DST: variants seen among roughly 807,000 people sequenced by gnomAD.
The protein encoded by DST is dystonin.
In DST, 253 loss-of-function variants were observed where a neutral mutation model predicts 875.2. The observed-to-expected ratio is 0.29, with a 90% CI of 0.26 to 0.32. The LOEUF is 0.32. DST is among the 10% of genes least tolerant of loss of function. The pLI is 1.00. For synonymous variants in DST, 3,124 were observed against 3,197.1 expected, an observed-to-expected ratio of 0.98 and a Z score of 0.77; for missense variants, 8,287 against 9,111.6, an observed-to-expected ratio of 0.91 and a Z score of 3.68.
intron 36 of DST, 51 bp downstream of exon 36, chr6:56,624,479 G>T: frequency 1.6e-6 from 2 of 1,243,710 alleles, no homozygotes; most frequent in Non-Finnish European, 1.2e-6. Flanking sequence ...TGTAGTTACT[G>T]CTCATCTCTA....
chr6:56,734,063 T>A (rs1390989492), intron 5 of DST, among the ~76,000 whole-genome samples: 1 of 152,168 alleles, frequency 6.6e-6, no homozygotes, highest in African/African-American at 2.4e-5. Context: ...AAGGAAGAGA[T>A]CCTCTCCCAT....
intron 58 of DST, among the ~76,000 whole-genome samples, chr6:56,558,300 A>G (rs911620327): frequency 6.6e-6 from 1 of 152,078 alleles, no homozygotes; most frequent in Non-Finnish European, 1.5e-5. Context: ...AGTGCATGTG[A>G]TAATTTAACA....
chr6:56,553,542 G>T lies in DST; in HGVS notation c.15250C>A (p.His5084Asn). 1 of 1,613,918 alleles carries T rather than the reference G, an allele frequency of 6.2e-7. No individual in the cohort carries two copies. Among genetic ancestry groups the T allele is most frequent in the South Asian group, 1.1e-5 (1 of 91,072 alleles). The change falls in exon 61 of 104, where the codon CAT (histidine) becomes AAT (asparagine). Residue 5084 changes from histidine (H) to asparagine (N), a missense_variant. By Grantham distance (68) the His-to-Asn change is moderately conservative. Transcript: ENST00000680361. Reference protein sequence around the residue: ...DTKKEEQNKSHPISAKLDVLE... With the variant: ...DTKKEEQNKSNPISAKLDVLE... ...ACATCGAGTTTGGCAGATATTGGAT[G>T]AGATTTGTTTTGCTCTTCTTTCTTT...
chr6:56,830,619 C>T (rs972347405), intron 4 of DST, among the ~76,000 whole-genome samples: 1 of 152,224 alleles, frequency 6.6e-6, no homozygotes, highest in African/African-American at 2.4e-5. Flanking sequence ...TTAAGAGCCA[C>T]TTCAATTAAC....
chr6:56,677,067 A>G (rs2099134528), intron 9 of DST, among the ~76,000 whole-genome samples: 1 of 152,216 alleles, frequency 6.6e-6, no homozygotes, highest in African/African-American at 2.4e-5. Flanking sequence ...GAAGTAATGT[A>G]TATGTTAATT....
chr6:56,507,567 A>G (rs1445964692), intron 75 of DST, among the ~76,000 whole-genome samples: 1 of 152,232 alleles, frequency 6.6e-6, no homozygotes, highest in African/African-American at 2.4e-5. Context: ...TAATGATCCA[A>G]CTGAACCCTG....
chr6:56,635,318 A>G (rs769220646), intron 24 of DST, among the ~76,000 whole-genome samples: 4 of 152,106 alleles, frequency 2.6e-5, no homozygotes, highest in Non-Finnish European at 5.9e-5. Flanking sequence ...TAAGAACTTA[A>G]AAAGTATTTG....
At chr6:56,595,542 G>A (rs1244228898) in intron 47 of DST, among the ~76,000 whole-genome samples, 1 of 150,440 alleles carries the variant, frequency 6.6e-6, no homozygotes, top group African/African-American at 2.5e-5. Flanking sequence ...TGGCACACAG[G>A]AGCTGAGTAA....
At chr6:56,808,347 C>T (rs1284210157) in intron 4 of DST, among the ~76,000 whole-genome samples, 1 of 151,364 alleles carries the variant, frequency 6.6e-6, no homozygotes, top group Non-Finnish European at 1.5e-5. Context: ...CTATTAAATA[C>T]TCCAGCAATA....
rs146263203 is a variant in DST at position 56,618,142 on chromosome 6, G to T, written c.4930-3658C>A. On this transcript the variant is annotated intron_variant, in intron 36 of 103. Coordinates refer to ENST00000680361, the MANE Select transcript of DST (RefSeq NM_001374736.1). ...TCTCATCAAAAGTTATCTGTAACTCGGTGCTTGTCTGAGAAAAGTACTCAG... is the reference window on the plus strand; with the variant it reads ...TCTCATCAAAAGTTATCTGTAACTCTGTGCTTGTCTGAGAAAAGTACTCAG... 55 of 1,614,032 alleles carry T rather than the reference G, an allele frequency of 3.4e-5. No homozygotes were observed. Among genetic ancestry groups the T allele is most frequent in the Middle Eastern group, 3.3e-4 (2 of 6,062 alleles).
chr6:56,764,015 G>A (rs114379496), intron 4 of DST, among the ~76,000 whole-genome samples: 1,963 of 151,276 alleles, frequency 0.013, 22 homozygotes, highest in South Asian at 0.032. Context: ...ATTAAGTATA[G>A]TATTAAGTCT....
chr6:56,817,003 G>A lies in DST; in HGVS notation c.625+34394C>T, dbSNP rs375292142. 3.6e-4 allele frequency among the ~76,000 whole-genome samples: 54 copies of A among 151,802 alleles called. 1 individual carries two copies. The East Asian group carries it at 4.1e-3, about 11-fold the overall frequency. Reference sequence around the variant, plus strand: ...CAAATGCAGCCTCTGTGAAACCCTGGTCAAAGAACTCACCTACCAAGGAAT... The same window carrying A: ...CAAATGCAGCCTCTGTGAAACCCTGATCAAAGAACTCACCTACCAAGGAAT... On this transcript the variant is annotated intron_variant, in intron 4 of 103. Coordinates refer to ENST00000680361, the MANE Select transcript of DST (RefSeq NM_001374736.1).
rs1337230264 is a variant in DST, at chr6:56,639,486, T to C, written c.2823A>G (p.Arg941=). The change falls in exon 21 of 104, where the codon AGA becomes AGG. Residue 941 remains arginine (R), a synonymous_variant. Coordinates refer to ENST00000680361, the MANE Select transcript of DST (RefSeq NM_001374736.1). The part of the protein sequence containing the change: ...EEEVAYDWSE[R]NTNIARKKDY... ...CTTTTTTCCTAGCTATGTTGGTGTT[T>C]CTCTCACTCCAGTCATAAGCAACTT... 3 of 1,613,734 alleles carry C rather than the reference T, an allele frequency of 1.9e-6. No homozygotes were observed. The highest frequency in any genetic ancestry group is 1.6e-4 in the Middle Eastern group (1 of 6,076).
At chr6:56,904,022 T>C (rs1351727558) in intron 2 of DST, among the ~76,000 whole-genome samples, 1 of 152,160 alleles carries the variant, frequency 6.6e-6, no homozygotes, top group East Asian at 1.9e-4. Context: ...ACCTATAAAA[T>C]AAGGATTAAA....
Position 56,764,499 on chromosome 6 carries a change from C to G in DST, c.626-29210G>C, listed in dbSNP as rs61312094. ...GCGGTATGTTTACTCATCTAGCTCC[C>G]TAACTTTACTCATCTAGCTTTGCCT... is the stretch of plus-strand genomic sequence containing the variant. On this transcript the variant is annotated intron_variant, in intron 4 of 103. Coordinates refer to ENST00000680361, the MANE Select transcript of DST (RefSeq NM_001374736.1). Among the ~76,000 whole-genome samples the G allele has an allele frequency of 7.8e-3, 1,190 of 152,284 alleles. 15 individuals are homozygous for G. The highest frequency in any genetic ancestry group is 0.027 in the African/African-American group (1,128 of 41,536).
chr6:56,816,148 C>G (rs1484792680), intron 4 of DST, among the ~76,000 whole-genome samples: 2 of 152,152 alleles, frequency 1.3e-5, no homozygotes, highest in African/African-American at 4.8e-5. Flanking sequence ...CTCCCTCAAT[C>G]TCATTAATAT....
intron 4 of DST, among the ~76,000 whole-genome samples, chr6:56,806,137 C>T (rs2099752696): frequency 6.6e-6 from 1 of 152,208 alleles, no homozygotes; most frequent in Non-Finnish European, 1.5e-5. Flanking sequence ...ATTATTTTCA[C>T]ATCTCATCTT....
chr6:56,555,434 G>A lies in DST; in HGVS notation c.15047C>T (p.Ala5016Val). The stretch of plus-strand genomic sequence containing the variant: ...TTTCAAGTACTCTTCTTTAACCAGT[G>A]CTGACAAATCCTCACAGAGTGCCTG... ...VAQALCEDLS[A>V]LVKEEYLKAE... Residue 5016 changes from alanine to valine, a missense_variant, in exon 60 of 104, where the codon GCA (alanine) becomes GTA (valine). This residue lies in a region of DST where 1,513 missense variants were observed against 1,677.8 expected (regional missense o/e 0.90). Transcript: ENST00000680361. The A allele has an allele frequency of 6.2e-7, 1 of 1,613,948 alleles. No individual in the cohort carries two copies. The highest frequency in any genetic ancestry group is 8.5e-7 in the Non-Finnish European group (1 of 1,179,884).
At chr6:56,476,412 A>G (rs3736848) in intron 91 of DST, 75 bp from the exon 92 acceptor site, 1 of 1,292,654 alleles carries the variant, frequency 7.7e-7, no homozygotes, top group Non-Finnish European at 1.0e-6. Context: ...AAATAAATAA[A>G]TTTTAAATGA....
Sources: gnomAD v4.1 joint callset for allele counts (sites outside exome capture counted in the v4.1 genomes callset) on GRCh38, gnomAD v4.1.1 for gene constraint, gnomAD v4.1.1 regional missense constraint, MANE v1.5 for transcripts, NCBI Gene and HGNC (gene_info 2026-07-23, HGNC 2026-07-21) for gene names.